Variants in ARHGEF10 observed in about 807,000 individuals in gnomAD.
ARHGEF10 encodes Rho guanine nucleotide exchange factor 10, also known as Rho guanine nucleotide exchange factor (GEF) 10.
A neutral mutation model predicts 147.4 loss-of-function variants in ARHGEF10; 140 were observed. The observed-to-expected ratio is 0.95, with a 90% CI of 0.83 to 1.09. The LOEUF (loss-of-function observed/expected upper bound fraction) is 1.09. ARHGEF10 is among the 50% of genes least tolerant of loss of function. ARHGEF10 has a pLI of 0.00. For synonymous variants in ARHGEF10, 902 were observed against 695.8 expected, an observed-to-expected ratio of 1.30 and a Z score of -4.67; for missense variants, 2,222 against 1,752.7, an observed-to-expected ratio of 1.27 and a Z score of -4.78.
intron 28 of ARHGEF10, 126 bp downstream of exon 28, chr8:1,952,953 T>TCTATTAA: frequency 7.4e-7 from 1 of 1,355,716 alleles, no homozygotes; most frequent in Non-Finnish European, 1.0e-6. Flanking sequence ...GGTTTTTCAG[T>TCTATTAA]GTATTATAAT....
At chr8:1,913,127 G>C (rs1467390038) in intron 18 of ARHGEF10, among the ~76,000 whole-genome samples, 2 of 152,134 alleles carry the variant, frequency 1.3e-5, no homozygotes, top group Non-Finnish European at 2.9e-5. Context: ...GTACTAAGTA[G>C]GAGTTGTGGG....
chr8:1,951,703 G>T (rs1815062486), intron 27 of ARHGEF10, among the ~76,000 whole-genome samples: 1 of 152,164 alleles, frequency 6.6e-6, no homozygotes, highest in South Asian at 2.1e-4. Context: ...AAGCTAAATG[G>T]GCCTACTGTG....
chr8:1,930,572 T>C (rs1321182328), intron 25 of ARHGEF10, among the ~76,000 whole-genome samples: 2 of 151,586 alleles, frequency 1.3e-5, no homozygotes, highest in African/African-American at 4.8e-5. Context: ...CCTTGTTCCT[T>C]GCTCACAAGG....
rs755033103 is a variant in ARHGEF10, at chr8:1,903,342, C to A, written c.1712C>A (p.Thr571Lys). 1 of 1,614,122 alleles carries A rather than the reference C, an allele frequency of 6.2e-7. No individual in the cohort carries two copies. The highest frequency in any genetic ancestry group is 8.5e-7 in the Non-Finnish European group (1 of 1,180,050). The change falls in exon 16 of 29, where the codon ACA becomes AAA. Residue 571 changes from threonine (T) to lysine (K), a missense_variant. Physicochemically the swap from Thr to Lys is moderately conservative, Grantham distance 78. Transcript: ENST00000349830. ...AGGCTGCCTCTTCAGATGGCCCTGA[C>A]AGAGCTCGAAACACTAGCAGAGAAG... ...PDRLPLQMAL[T>K]ELETLAEKLN...
intron 16 of ARHGEF10, among the ~76,000 whole-genome samples, chr8:1,904,911 A>C (rs1810760421): frequency 6.6e-6 from 1 of 152,212 alleles, no homozygotes; most frequent in Non-Finnish European, 1.5e-5. Flanking sequence ...ACGTGAGGTC[A>C]GGAGTTCCGG....
rs142541744 is a variant in ARHGEF10, at chr8:1,901,960, A to C, written c.1651-1321A>C. ...TACTAATATTCCTATAAACATGTCA[A>C]AGATGGTAGGCAAGACGCAGAACCA... On this transcript the variant is annotated intron_variant, in intron 15 of 28. Coordinates refer to ENST00000349830, the MANE Select transcript of ARHGEF10 (RefSeq NM_014629.4). 6.7e-5 allele frequency among the ~76,000 whole-genome samples: 10 copies of C among 149,326 alleles called. No individual in the cohort carries two copies. The South Asian group carries it at 2.2e-3, about 33-fold the overall frequency.
intron 26 of ARHGEF10, among the ~76,000 whole-genome samples, chr8:1,939,077 T>C (rs140576823): frequency 2.6e-5 from 4 of 151,304 alleles, no homozygotes; most frequent in Non-Finnish European, 5.9e-5. Flanking sequence ...GGAATCTCAG[T>C]CCCCAGACAC....
intron 8 of ARHGEF10, 46 bp from the exon 9 acceptor site, chr8:1,880,002 C>T (rs778517938): frequency 3.6e-6 from 5 of 1,393,882 alleles, no homozygotes; most frequent in Non-Finnish European, 5.1e-6. Context: ...CCCAAAGAAC[C>T]AAAAAGAGCC....
At chr8:1,846,182 C>T (rs901875587) in intron 2 of ARHGEF10, among the ~76,000 whole-genome samples, 6 of 152,262 alleles carry the variant, frequency 3.9e-5, no homozygotes, top group Non-Finnish European at 8.8e-5. Flanking sequence ...AGGAGCCGCC[C>T]AGCCCTCTGG....
In ARHGEF10 at chr8:1,923,560, C is replaced by A; in HGVS notation, c.2352C>A (p.Cys784Ter). 1 of 1,614,086 alleles carries A rather than the reference C, an allele frequency of 6.2e-7. No homozygotes were observed. Among genetic ancestry groups the A allele is most frequent in the Non-Finnish European group, 8.5e-7 (1 of 1,180,052 alleles). Residue 784 changes from cysteine (C) to a stop codon, truncating the protein, a stop_gained, in exon 20 of 29, where the codon TGC (cysteine) becomes TGA (stop). Coordinates refer to ENST00000349830, the MANE Select transcript of ARHGEF10 (RefSeq NM_014629.4). LOFTEE classifies it high-confidence loss of function. ...ATGAAATCAGAGCTGCGGACTGCTG[C>A]AGAATTCAGTTACAGCTTCCCGGGA... Reference protein sequence around the residue: ...KEDEIRAADCCRIQLQLPGKQ... With the variant: ...KEDEIRAADC
intron 1 of ARHGEF10, among the ~76,000 whole-genome samples, chr8:1,839,987 G>A (rs577581638): frequency 1.3e-5 from 2 of 149,102 alleles, no homozygotes; most frequent in East Asian, 2.1e-4. Context: ...GCTGTCTGGT[G>A]TGGGGACTGT....
chr8:1,942,977 T>C lies in ARHGEF10; in HGVS notation c.3223-2504T>C, dbSNP rs138102786. Among the ~76,000 whole-genome samples, 322 of 152,234 alleles carry C rather than the reference T, an allele frequency of 2.1e-3. 2 individuals are homozygous for C. Among genetic ancestry groups the C allele is most frequent in the African/African-American group, 7.4e-3 (309 of 41,536 alleles). On this transcript the variant is annotated intron_variant, in intron 26 of 28. Coordinates refer to ENST00000349830, the MANE Select transcript of ARHGEF10 (RefSeq NM_014629.4). ...AAAATGTTCTGGAATTCAAGAGTGG[T>C]TAAAGTTGGCAACTTCCCGAATATA...
chr8:1,844,465 T>TCCCTGG (rs1329433075), intron 2 of ARHGEF10, among the ~76,000 whole-genome samples: 88 of 151,338 alleles, frequency 5.8e-4, no homozygotes, highest in East Asian at 7.8e-4. Context: ...AATCCAGGGG[T>TCCCTGG]GAGCAGTGGC....
intron 26 of ARHGEF10, among the ~76,000 whole-genome samples, chr8:1,938,208 T>C (rs1813780617): frequency 6.6e-6 from 1 of 152,216 alleles, no homozygotes; most frequent in African/African-American, 2.4e-5. Context: ...GTTTGTCCAA[T>C]TGCTGTTTAA....
intron 18 of ARHGEF10, among the ~76,000 whole-genome samples, chr8:1,914,729 C>T (rs1037849742): frequency 2.0e-5 from 3 of 151,934 alleles, no homozygotes; most frequent in African/African-American, 7.3e-5. Flanking sequence ...TAAAACAGCA[C>T]GTGTGTGTGT....
chr8:1,918,818 GT>G (rs1811961318), intron 18 of ARHGEF10, among the ~76,000 whole-genome samples: 1 of 152,160 alleles, frequency 6.6e-6, no homozygotes, highest in Admixed American at 6.5e-5. Flanking sequence ...AGCTGCCTCT[GT>G]GGGTGATGGA....
At position 1,860,117 on chromosome 8, in the gene ARHGEF10, C is replaced by T. The variant is rs1680622822; in HGVS notation, c.414C>T (p.Asn138=). Residue 138 remains asparagine (N), a synonymous_variant, in exon 4 of 29, where the codon AAC becomes AAT. Coordinates refer to ENST00000349830, the MANE Select transcript of ARHGEF10 (RefSeq NM_014629.4). ...PVPCGYAVPS[N]LPLLLPAYSS... is the part of the protein sequence containing the mutation. ...CCTGCGGCTATGCGGTGCCCTCCAACCTGCCCCTCCTGCTGCCCGCCTACT... is the reference window on the plus strand; with the variant it reads ...CCTGCGGCTATGCGGTGCCCTCCAATCTGCCCCTCCTGCTGCCCGCCTACT... The T allele has an allele frequency of 2.5e-6, 4 of 1,613,964 alleles. No individual in the cohort carries two copies. Among genetic ancestry groups the T allele is most frequent in the Non-Finnish European group, 3.4e-6 (4 of 1,180,018 alleles).
intron 23 of ARHGEF10, among the ~76,000 whole-genome samples, chr8:1,927,914 C>G (rs1812809579): frequency 6.6e-6 from 1 of 151,980 alleles, no homozygotes; most frequent in Admixed American, 6.6e-5. Context: ...GCACTCCAGC[C>G]TGGGTGACAG....
intron 24 of ARHGEF10, 132 bp downstream of exon 24, chr8:1,928,782 G>T: frequency 9.8e-7 from 1 of 1,018,488 alleles, no homozygotes; most frequent in Non-Finnish European, 1.5e-6. Context: ...GGGATACCAG[G>T]GGAAATTTTT....
Sources: allele counts gnomAD v4.1 joint callset (sites outside exome capture counted in the v4.1 genomes callset), GRCh38; gene constraint gnomAD v4.1.1; transcripts MANE v1.5; gene names NCBI Gene and HGNC (gene_info 2026-07-23, HGNC 2026-07-21).